The following PDZRN3 variants were observed in gnomAD, a reference collection of about 807,000 sequenced individuals.
The protein encoded by PDZRN3 is E3 ubiquitin-protein ligase PDZRN3.
Under a neutral mutation model 85.7 loss-of-function variants are expected in PDZRN3, and 38 were observed. The ratio of observed to expected loss-of-function variants is 0.44; its 90% CI spans 0.34 to 0.58. The LOEUF (loss-of-function observed/expected upper bound fraction) is 0.58. Ranked by LOEUF, PDZRN3 falls within the 20% of genes least tolerant of loss-of-function variation. The pLI, the probability that PDZRN3 is intolerant of heterozygous loss-of-function variation, is 0.01. For synonymous variants in PDZRN3, 759 were observed against 638.0 expected (o/e 1.19, Z -2.86); for missense variants, 1,629 against 1,506.4 (o/e 1.08, Z -1.35).
At chr3:73,612,947 CA>C (rs1559757904) in intron 1 of PDZRN3, among the ~76,000 whole-genome samples, 1 of 152,204 alleles carries the variant, frequency 6.6e-6, no homozygotes, top group Non-Finnish European at 1.5e-5. Flanking sequence ...GCTGGACATT[CA>C]CATAGTTCAA....
At chr3:73,548,050 CTGAGA>C (rs745732245) in intron 3 of PDZRN3, among the ~76,000 whole-genome samples, 54 of 152,256 alleles carry the variant, frequency 3.5e-4, no homozygotes, top group Middle Eastern at 3.4e-3. Flanking sequence ...GGAGTGCTTG[CTGAGA>C]TAAGTCTGGG....
At chr3:73,481,096 C>T (rs1193864300) in intron 3 of PDZRN3, among the ~76,000 whole-genome samples, 1 of 152,190 alleles carries the variant, frequency 6.6e-6, no homozygotes, top group African/African-American at 2.4e-5. Context: ...CCAGCCTGTA[C>T]TGATGCAGAT....
intron 3 of PDZRN3, among the ~76,000 whole-genome samples, chr3:73,452,841 G>C (rs78318428): frequency 9.7e-5 from 9 of 93,204 alleles, no homozygotes; most frequent in Non-Finnish European, 1.6e-4. Context: ...CCATATATCT[G>C]TGTGTGTGTG....
At chr3:73,493,423 A>G (rs954836130) in intron 3 of PDZRN3, among the ~76,000 whole-genome samples, 2 of 152,136 alleles carry the variant, frequency 1.3e-5, no homozygotes, top group African/African-American at 4.8e-5. Flanking sequence ...ATCACCTCAG[A>G]AGCATTCCAA....
chr3:73,548,290 T>A (rs1460221773), intron 3 of PDZRN3, among the ~76,000 whole-genome samples: 1 of 152,204 alleles, frequency 6.6e-6, no homozygotes, highest in East Asian at 1.9e-4. Flanking sequence ...TGGAAGTTTC[T>A]TGTAACCAGC....
chr3:73,425,172 G>T (rs139757166), intron 3 of PDZRN3, among the ~76,000 whole-genome samples: 1 of 151,698 alleles, frequency 6.6e-6, no homozygotes, highest in Non-Finnish European at 1.5e-5. Flanking sequence ...CTGCCACCAC[G>T]CCTGTCTAAT....
rs1259849506 is a variant in PDZRN3 at position 73,383,557 on chromosome 3, G to C, written c.3009C>G (p.Leu1003=). The change falls in exon 10 of 10, where the codon CTC becomes CTG. Residue 1003 remains leucine (L), a synonymous_variant. Coordinates refer to ENST00000263666, the MANE Select transcript of PDZRN3 (RefSeq NM_015009.3). ...EFMMQSRLDC[L]KEQQAADDRK... ...TGTCATCGGCTGCTTGCTGCTCCTT[G>C]AGACAATCCAACCTGCTCTGCATCA... 7 of 1,614,014 alleles carry C rather than the reference G, an allele frequency of 4.3e-6. No homozygotes were observed. Among genetic ancestry groups the C allele is most frequent in the Non-Finnish European group, 5.9e-6 (7 of 1,180,032 alleles).
At chr3:73,418,536 C>A (rs1702137594) in intron 3 of PDZRN3, among the ~76,000 whole-genome samples, 1 of 152,136 alleles carries the variant, frequency 6.6e-6, no homozygotes, top group South Asian at 2.1e-4. Flanking sequence ...CTGGTACTTA[C>A]ACCCTTCTGA....
At chr3:73,521,203 G>A (rs776438009) in intron 3 of PDZRN3, among the ~76,000 whole-genome samples, 11 of 152,152 alleles carry the variant, frequency 7.2e-5, no homozygotes, top group South Asian at 6.2e-4. Flanking sequence ...GTTGTTGTGC[G>A]TGCCACTCCG....
chr3:73,474,610 G>A (rs1703413098), intron 3 of PDZRN3: 1 of 1,263,148 alleles, frequency 7.9e-7, no homozygotes, highest in Non-Finnish European at 1.0e-6. Context: ...CTTGGTTTAT[G>A]TTGAGAGTAC....
At chr3:73,458,277 A>C (rs1211023960) in intron 3 of PDZRN3, among the ~76,000 whole-genome samples, 1 of 151,926 alleles carries the variant, frequency 6.6e-6, no homozygotes, top group Admixed American at 6.6e-5. Flanking sequence ...GGTGCCCAGC[A>C]GATGCCCGTA....
intron 3 of PDZRN3, among the ~76,000 whole-genome samples, chr3:73,502,146 C>T (rs958417749): frequency 5.9e-5 from 9 of 151,838 alleles, no homozygotes; most frequent in African/African-American, 2.2e-4. Context: ...CAAAGAGAAA[C>T]AACAGTGGGC....
At chr3:73,614,611 C>A (rs1347394115) in intron 1 of PDZRN3, among the ~76,000 whole-genome samples, 1 of 152,158 alleles carries the variant, frequency 6.6e-6, no homozygotes, top group East Asian at 1.9e-4. Flanking sequence ...ATGCAAAGTT[C>A]ACAAAGACTC....
chr3:73,588,566 T>G (rs879860891), intron 3 of PDZRN3, among the ~76,000 whole-genome samples: 6 of 152,150 alleles, frequency 3.9e-5, no homozygotes, highest in Admixed American at 3.9e-4. Flanking sequence ...CTGTCCTGAC[T>G]TCTACTCCCA....
chr3:73,405,678 T>C (rs79464188), intron 3 of PDZRN3, among the ~76,000 whole-genome samples: 2,971 of 152,332 alleles, frequency 0.02, 104 homozygotes, highest in African/African-American at 0.067. Context: ...AGATTAATAG[T>C]CCACTCTTGC....
chr3:73,610,214 C>T (rs1430015709), intron 1 of PDZRN3, among the ~76,000 whole-genome samples: 2 of 152,154 alleles, frequency 1.3e-5, no homozygotes. Context: ...AAGGACAACA[C>T]AGCATTCATT....
At chr3:73,486,136 A>C (rs9838633) in intron 3 of PDZRN3, among the ~76,000 whole-genome samples, 1 of 152,364 alleles carries the variant, frequency 6.6e-6, no homozygotes, top group South Asian at 2.1e-4. Flanking sequence ...AAGAGACTGC[A>C]TAGTGAAGGA....
intron 3 of PDZRN3, among the ~76,000 whole-genome samples, chr3:73,416,876 G>GTTTTTTTTTTTTTTGTTT (rs1702095663): frequency 9.1e-6 from 1 of 110,406 alleles, no homozygotes; most frequent in Non-Finnish European, 1.8e-5. Flanking sequence ...TTTTTTTTTG[G>GTTTTTTTTTTTTTTGTTT]TTTTTTTTTT....
intron 3 of PDZRN3, among the ~76,000 whole-genome samples, chr3:73,502,938 T>A (rs957091529): frequency 1.3e-5 from 2 of 152,216 alleles, no homozygotes; most frequent in Non-Finnish European, 2.9e-5. Flanking sequence ...GTCATTTTGA[T>A]CTGTTAAGTA....
Sources: allele counts gnomAD v4.1 joint callset (sites outside exome capture counted in the v4.1 genomes callset), GRCh38; gene constraint gnomAD v4.1.1; transcripts MANE v1.5; gene names NCBI Gene and HGNC (gene_info 2026-07-23, HGNC 2026-07-21).